WDR25: variants seen among roughly 807,000 people sequenced by gnomAD.
The protein encoded by WDR25 is WD repeat-containing protein 25.
WDR25 carries 35 observed loss-of-function variants against 47.7 expected under a neutral mutation model. The observed-to-expected ratio is 0.73, with a 90% confidence interval of 0.56 to 0.97. The LOEUF (loss-of-function observed/expected upper bound fraction) is 0.97, where lower values mean the gene tolerates loss of function less well. Ranked by LOEUF, WDR25 falls within the 50% of genes least tolerant of loss-of-function variation. The probability of loss-of-function intolerance (pLI) is 0.00; values close to 1 mark genes in which losing one functional copy is unlikely to be tolerated. For synonymous variants in WDR25, 248 were observed against 278.9 expected (o/e 0.89, Z 1.10); for missense variants, 634 against 704.7 (o/e 0.90, Z 1.14).
intron 4 of WDR25, among the ~76,000 whole-genome samples, chr14:100,497,740 C>T (rs1900781246): frequency 6.6e-6 from 1 of 152,142 alleles, no homozygotes; most frequent in Admixed American, 6.5e-5. Context: ...TTCTTTTTGG[C>T]TAAATGTCAC....
At chr14:100,413,790 A>ATTTTCC (rs1897786049) in intron 2 of WDR25, among the ~76,000 whole-genome samples, 4 of 152,208 alleles carry the variant, frequency 2.6e-5, no homozygotes, top group Admixed American at 2.0e-4. Flanking sequence ...AGAATGAAAT[A>ATTTTCC]TGTAAATGGA....
chr14:100,439,579 G>A (rs142550394), intron 2 of WDR25, among the ~76,000 whole-genome samples: 36 of 152,320 alleles, frequency 2.4e-4, no homozygotes, highest in Non-Finnish European at 4.0e-4. Flanking sequence ...CTGAAAAAGC[G>A]TCACCTGGAT....
chr14:100,400,214 C>T (rs573906178), intron 2 of WDR25, among the ~76,000 whole-genome samples: 11 of 152,304 alleles, frequency 7.2e-5, no homozygotes, highest in Admixed American at 5.9e-4. Flanking sequence ...TGTCCTGTAC[C>T]GCAGTGACAT....
At chr14:100,467,297 TG>T (rs1449730938) in intron 2 of WDR25, among the ~76,000 whole-genome samples, 1 of 150,594 alleles carries the variant, frequency 6.6e-6, no homozygotes, top group Non-Finnish European at 1.5e-5. Context: ...CAGGCGAGCC[TG>T]GGATAAGATG....
intron 2 of WDR25, among the ~76,000 whole-genome samples, chr14:100,399,221 G>T (rs936100314): frequency 6.6e-6 from 1 of 151,838 alleles, no homozygotes; most frequent in Admixed American, 6.6e-5. Context: ...GTGGTTTATC[G>T]GATAATTGAG....
rs993890326 is a variant in WDR25, at chr14:100,424,962, G to A, written c.823-43059G>A. Among the ~76,000 whole-genome samples the A allele has an allele frequency of 6.6e-6, 1 of 152,188 alleles. No homozygotes were observed. The highest frequency in any genetic ancestry group is 1.5e-5 in the Non-Finnish European group (1 of 68,002). ...CTCAGGCCTGTCAGTCACACAGCTC[G>A]TGGCTTCCCCATGAAGCATCTCTTG... On this transcript the variant is annotated intron_variant, in intron 2 of 6. Coordinates refer to ENST00000402312, the MANE Select transcript of WDR25 (RefSeq NM_001161476.3). The surrounding 1 kb of genome is among the most constrained non-coding windows in gnomAD (Gnocchi z 4.2).
intron 4 of WDR25, among the ~76,000 whole-genome samples, chr14:100,524,953 T>G (rs1328780521): frequency 1.3e-5 from 2 of 152,198 alleles, no homozygotes; most frequent in African/African-American, 4.8e-5. Context: ...GAACTCCAAT[T>G]AAAAAGTCAA....
chr14:100,459,451 C>T (rs1000168707), intron 2 of WDR25, among the ~76,000 whole-genome samples: 8 of 152,096 alleles, frequency 5.3e-5, no homozygotes, highest in African/African-American at 1.9e-4. Context: ...AGAAATTATA[C>T]CAATTTATCA....
intron 2 of WDR25, among the ~76,000 whole-genome samples, chr14:100,432,457 A>G (rs1444557039): frequency 6.6e-6 from 1 of 152,202 alleles, no homozygotes; most frequent in African/African-American, 2.4e-5. Flanking sequence ...CAAAAAATCC[A>G]TCTTCTCACC....
chr14:100,386,862 C>T (rs1055500708), intron 2 of WDR25, among the ~76,000 whole-genome samples: 8 of 151,940 alleles, frequency 5.3e-5, no homozygotes, highest in African/African-American at 1.7e-4. Flanking sequence ...CACTGCACTC[C>T]AGCCTGGGTG....
At chr14:100,507,754 A>C (rs1476002608) in intron 4 of WDR25, among the ~76,000 whole-genome samples, 1 of 151,530 alleles carries the variant, frequency 6.6e-6, no homozygotes, top group Non-Finnish European at 1.5e-5. Context: ...AATGCTACAG[A>C]TTTTTACACA....
At position 100,502,374 on chromosome 14, in the gene WDR25, A is replaced by G. The variant is rs1900954452; in HGVS notation, c.1101+18250A>G. Among the ~76,000 whole-genome samples, 1 of 152,222 alleles carries G rather than the reference A, an allele frequency of 6.6e-6. No individual in the cohort carries two copies. ...TCCTCAGTTTCCCCATCTGCCAGGA[A>G]TAGGCTGAACTCCATGACCTAGCCT... On this transcript the variant is annotated intron_variant, in intron 4 of 6. Coordinates refer to ENST00000402312, the MANE Select transcript of WDR25 (RefSeq NM_001161476.3). The surrounding 1 kb of genome is among the most constrained non-coding windows in gnomAD (Gnocchi z 4.5).
intron 2 of WDR25, among the ~76,000 whole-genome samples, chr14:100,453,296 T>A (rs1221538032): frequency 6.6e-6 from 1 of 152,230 alleles, no homozygotes; most frequent in Middle Eastern, 3.2e-3. Context: ...CTGCACACTT[T>A]CGAGCCAGAG....
Position 100,424,530 on chromosome 14 carries a change from C to T in WDR25, c.822+42784C>T, listed in dbSNP as rs115458441. 5.3e-3 allele frequency among the ~76,000 whole-genome samples: 802 copies of T among 152,340 alleles called. 6 individuals carry two copies. The highest frequency in any genetic ancestry group is 0.018 in the African/African-American group (765 of 41,576). Reference sequence around the variant, plus strand: ...TTGGGACCTGGGAGCAGGCCCCACACCAGGTGTGACATGCCTGTGCTCAGC... The same window carrying T: ...TTGGGACCTGGGAGCAGGCCCCACATCAGGTGTGACATGCCTGTGCTCAGC... On this transcript the variant is annotated intron_variant, in intron 2 of 6. Coordinates refer to ENST00000402312, the MANE Select transcript of WDR25 (RefSeq NM_001161476.3). This position sits in a 1 kb window ranked among gnomAD's most constrained non-coding sequence, Gnocchi z 4.2.
At chr14:100,438,614 C>T (rs1036366225) in intron 2 of WDR25, among the ~76,000 whole-genome samples, 6 of 152,184 alleles carry the variant, frequency 3.9e-5, no homozygotes, top group African/African-American at 1.4e-4. Flanking sequence ...GGTTTTGCCC[C>T]ATGCTCACGA....
At chr14:100,520,366 G>A (rs1901677945) in intron 4 of WDR25, among the ~76,000 whole-genome samples, 1 of 151,770 alleles carries the variant, frequency 6.6e-6, no homozygotes, top group Non-Finnish European at 1.5e-5. Flanking sequence ...ACTTCCATCT[G>A]CCTTACCTTA....
chr14:100,518,150 G>A (rs891601871), intron 4 of WDR25, among the ~76,000 whole-genome samples: 3 of 152,096 alleles, frequency 2.0e-5, no homozygotes, highest in African/African-American at 7.2e-5. Context: ...TTTAGCATTT[G>A]TTTTAGATAG....
At chr14:100,491,225 G>T (rs1363699039) in intron 4 of WDR25, among the ~76,000 whole-genome samples, 1 of 152,192 alleles carries the variant, frequency 6.6e-6, no homozygotes, top group Non-Finnish European at 1.5e-5. Flanking sequence ...CCTCTGTCAG[G>T]GCCCTGAGGC....
chr14:100,517,542 T>C (rs1362496385), intron 4 of WDR25, among the ~76,000 whole-genome samples: 2 of 152,126 alleles, frequency 1.3e-5, no homozygotes, highest in Non-Finnish European at 2.9e-5. Flanking sequence ...CCACTTCAAG[T>C]AAAACATATG....
Sources: allele counts gnomAD v4.1 joint callset (sites outside exome capture counted in the v4.1 genomes callset), GRCh38; gene constraint gnomAD v4.1.1; non-coding constraint Gnocchi (gnomAD v3.1); transcripts MANE v1.5; gene names NCBI Gene and HGNC (gene_info 2026-07-23, HGNC 2026-07-21).